The following ZNF362 variants were observed in gnomAD, a reference collection of about 807,000 sequenced individuals.
The protein encoded by ZNF362 is rotund homolog.
ZNF362 carries 11 observed loss-of-function variants against 42.9 expected under a neutral mutation model. The ratio of observed to expected loss-of-function variants is 0.26; its 90% confidence interval spans 0.16 to 0.42. The LOEUF is 0.42. ZNF362 is among the 20% of genes least tolerant of loss of function. The probability of loss-of-function intolerance (pLI) is 1.00; values close to 1 mark genes in which losing one functional copy is unlikely to be tolerated. For missense variants in ZNF362, 362 were observed against 576.2 expected, an observed-to-expected ratio of 0.63 and a Z score of 3.81; for synonymous variants, 255 against 257.3, an observed-to-expected ratio of 0.99 and a Z score of 0.09.
intron 8 of ZNF362, among the ~76,000 whole-genome samples, chr1:33,297,614 C>T (rs1336484086): frequency 4.8e-5 from 7 of 144,816 alleles, no homozygotes; most frequent in Admixed American, 1.5e-4. Flanking sequence ...CAGGTTCAAG[C>T]GATTCTCCTG....
chr1:33,165,688 T>G, the ZNF362 span: 1 of 753,198 alleles, frequency 1.3e-6, no homozygotes, highest in Non-Finnish European at 2.0e-6. The surrounding 1 kb of genome is among the most constrained non-coding windows in gnomAD (Gnocchi z 4.0). Context: ...AACACTTGCC[T>G]CCCGTCACAG....
At chr1:33,212,150 G>C in the ZNF362 span, among the ~76,000 whole-genome samples, 1 of 152,106 alleles carries the variant, frequency 6.6e-6, no homozygotes, top group African/African-American at 2.4e-5. Context: ...TGTTCCTCCT[G>C]CTTCAACCAT....
At chr1:33,249,421 A>G in the ZNF362 span, among the ~76,000 whole-genome samples, 1 of 152,240 alleles carries the variant, frequency 6.6e-6, no homozygotes, top group African/African-American at 2.4e-5. Context: ...ATGTAGAGCA[A>G]GTTAGATCTC....
rs578020865 is a variant in ZNF362, at chr1:33,262,939, A to C, written c.-89+6285A>C. Among the ~76,000 whole-genome samples, 9 of 152,288 alleles carry C rather than the reference A, an allele frequency of 5.9e-5. No homozygotes were observed. In the East Asian group the frequency reaches 1.7e-3, roughly 29 times the overall value. ...AGGAGCACGTGCATGTGCTCTTGCC[A>C]CTGGGAGGACCACATACCCAAGCGT... On this transcript the variant is annotated intron_variant, in intron 1 of 8. Transcript: ENST00000539719.
chr1:33,220,604 G>A, the ZNF362 span, among the ~76,000 whole-genome samples: 1 of 152,070 alleles, frequency 6.6e-6, no homozygotes, highest in Non-Finnish European at 1.5e-5. Context: ...TGGCTGATTT[G>A]TCCTGAGGGC....
intron 6 of ZNF362, among the ~76,000 whole-genome samples, chr1:33,282,889 T>G (rs989879503): frequency 1.3e-5 from 2 of 150,268 alleles, no homozygotes; most frequent in African/African-American, 2.4e-5. Flanking sequence ...GCTCACCAAA[T>G]AAAAATACCA....
chr1:33,292,882 T>C (rs1045643589), intron 6 of ZNF362, among the ~76,000 whole-genome samples: 1 of 152,220 alleles, frequency 6.6e-6, no homozygotes, highest in African/African-American at 2.4e-5. Context: ...CCTTCCATTG[T>C]AGAGACGGTG....
At chr1:33,154,574 C>G in the ZNF362 span, among the ~76,000 whole-genome samples, 3 of 151,612 alleles carry the variant, frequency 2.0e-5, no homozygotes, top group Non-Finnish European at 4.4e-5. Context: ...CCAAGGTGGG[C>G]GGATCACGAG....
chr1:33,136,304 CTT>C, the ZNF362 span, among the ~76,000 whole-genome samples: 1 of 127,920 alleles, frequency 7.8e-6, no homozygotes, highest in Admixed American at 7.7e-5. Context: ...CTTTCTTTTT[CTT>C]TCTTTCTTTC....
At chr1:33,253,767 G>A (rs567838261), upstream of ZNF362, among the ~76,000 whole-genome samples, 6 of 152,192 alleles carry the variant, frequency 3.9e-5, no homozygotes, top group African/African-American at 1.2e-4. Flanking sequence ...TTTTTTGAGC[G>A]CTTAGAATGT....
the ZNF362 span, among the ~76,000 whole-genome samples, chr1:33,140,966 C>T: frequency 7.1e-4 from 108 of 152,294 alleles, no homozygotes; most frequent in Non-Finnish European, 1.2e-3. This position sits in a 1 kb window ranked among gnomAD's most constrained non-coding sequence, Gnocchi z 4.0. Flanking sequence ...TGAAAAGAGC[C>T]GATGGCTGGG....
the ZNF362 span, among the ~76,000 whole-genome samples, chr1:33,144,676 G>T: frequency 1.3e-5 from 2 of 152,134 alleles, no homozygotes; most frequent in Admixed American, 1.3e-4. Context: ...TTCCACTTAA[G>T]TGTGCACAGC....
chr1:33,155,895 C>T, the ZNF362 span, among the ~76,000 whole-genome samples: 8 of 152,286 alleles, frequency 5.3e-5, no homozygotes, highest in African/African-American at 1.9e-4. Context: ...TGTTTCAGAC[C>T]TTCTTCTCTA....
At chr1:33,161,714 G>A in the ZNF362 span, among the ~76,000 whole-genome samples, 4 of 152,120 alleles carry the variant, frequency 2.6e-5, no homozygotes, top group African/African-American at 7.2e-5. The surrounding 1 kb of genome is among the most constrained non-coding windows in gnomAD (Gnocchi z 4.3). Context: ...GGGGTCCGTC[G>A]TCCCTGCACC....
chr1:33,218,148 G>T, the ZNF362 span, among the ~76,000 whole-genome samples: 1 of 152,178 alleles, frequency 6.6e-6, no homozygotes, highest in Non-Finnish European at 1.5e-5. Flanking sequence ...CAGTTAGGTA[G>T]AAAAATGTAG....
the ZNF362 span, among the ~76,000 whole-genome samples, chr1:33,160,120 A>C: frequency 2.0e-5 from 3 of 152,248 alleles, no homozygotes; most frequent in Non-Finnish European, 4.4e-5. Context: ...GGCATGTTCT[A>C]TGTGGTCCAT....
At chr1:33,243,351 A>AT in the ZNF362 span, among the ~76,000 whole-genome samples, 169 of 140,866 alleles carry the variant, frequency 1.2e-3, 2 homozygotes, top group South Asian at 0.019. Context: ...TAATTTTTGT[A>AT]TTTTTTTTTT....
At chr1:33,205,961 A>T in the ZNF362 span, among the ~76,000 whole-genome samples, 1 of 152,148 alleles carries the variant, frequency 6.6e-6, no homozygotes, top group African/African-American at 2.4e-5. Context: ...GATCAATAGA[A>T]CAGAGTACAG....
chr1:33,171,905 C>T, the ZNF362 span, among the ~76,000 whole-genome samples: 1 of 152,166 alleles, frequency 6.6e-6, no homozygotes, highest in South Asian at 2.1e-4. Context: ...CCTCAGCCTC[C>T]TGAGTAGCTG....
Sources: gnomAD v4.1 joint callset for allele counts (sites outside exome capture counted in the v4.1 genomes callset) on GRCh38, gnomAD v4.1.1 for gene constraint, Gnocchi (gnomAD v3.1) non-coding constraint, MANE v1.5 for transcripts, NCBI Gene and HGNC (gene_info 2026-07-23, HGNC 2026-07-21) for gene names.